Variants in NUDT5 observed in about 807,000 individuals in gnomAD.
NUDT5 encodes ADP-sugar pyrophosphatase.
Under a neutral mutation model 34.1 loss-of-function variants are expected in NUDT5, and 21 were observed. That is an observed-to-expected ratio of 0.62 (90% CI 0.44 to 0.89). The LOEUF is 0.89. Among genes scored for constraint, NUDT5 ranks in the 40% least tolerant of loss-of-function variants. NUDT5 has a pLI of 0.00. For synonymous variants in NUDT5, 85 were observed against 97.6 expected (o/e 0.87, Z 0.76); for missense variants, 249 against 274.8 (o/e 0.91, Z 0.66).
rs761853839 is a variant in NUDT5 at position 12,173,840 on chromosome 10, G to A, written c.290-27C>T. On this transcript the variant is annotated intron_variant, in intron 5 of 9. Coordinates refer to ENST00000491614, the MANE Select transcript of NUDT5 (RefSeq NM_014142.4). This position sits in a 1 kb window ranked among gnomAD's most constrained non-coding sequence, Gnocchi z 4.7. ...TGCAAGTCCAAATCATTGGTGTGAT[G>A]GGAGCGGGAAATCCGGTTCTTTAAA... 9.1e-6 allele frequency: 14 copies of A among 1,531,942 alleles called. No individual in the cohort carries two copies. Among genetic ancestry groups the A allele is most frequent in the Non-Finnish European group, 1.2e-5 (13 of 1,109,136 alleles). The allele number at this position is 1,531,942 out of a possible 1,614,324, so 94.9% of individuals were successfully genotyped here. A position where few individuals can be genotyped will look rare whatever the true frequency, so the allele number is the denominator to read the frequency against.
At chr10:12,188,497 C>T (rs186381034) in intron 1 of NUDT5, among the ~76,000 whole-genome samples, 49 of 152,248 alleles carry the variant, frequency 3.2e-4, no homozygotes, top group Non-Finnish European at 1.5e-5. Flanking sequence ...CTTTGGGAGG[C>T]CAGGGCGGGT....
At chr10:12,184,394 C>T (rs1835091877) in intron 3 of NUDT5, 3 of 1,033,812 alleles carry the variant, frequency 2.9e-6, no homozygotes, top group Non-Finnish European at 4.1e-6. Flanking sequence ...ATTACTCGGT[C>T]AAAGGGTACA....
In NUDT5 at chr10:12,179,117, C is replaced by T. The variant is rs114730749; in HGVS notation, c.147G>A (p.Val49=). Reference sequence around the variant, plus strand: ...TCTGCTCTTTCCTGGTTGTACGTTTCACTGATTCCCAAGTTCTGTTCAGGC... The same window carrying T: ...TCTGCTCTTTCCTGGTTGTACGTTTTACTGATTCCCAAGTTCTGTTCAGGC... ...PTGKTRTWES[V]KRTTRKEQTA... The change falls in exon 4 of 10, where the codon GTG becomes GTA. Residue 49 remains valine (V), a synonymous_variant. Coordinates refer to ENST00000491614, the MANE Select transcript of NUDT5 (RefSeq NM_014142.4). 343 of 1,614,096 alleles carry T rather than the reference C, an allele frequency of 2.1e-4. 2 individuals are homozygous for T. In the African/African-American group the frequency reaches 4.2e-3, roughly 20 times the overall value.
chr10:12,177,537 A>C (rs537765278), intron 5 of NUDT5, among the ~76,000 whole-genome samples: 1 of 152,258 alleles, frequency 6.6e-6, no homozygotes, highest in South Asian at 2.1e-4. Flanking sequence ...AAACAAAAAC[A>C]AACAAAAAAG....
chr10:12,184,400 G>C, intron 3 of NUDT5: 1 of 1,111,494 alleles, frequency 9.0e-7, no homozygotes, highest in Non-Finnish European at 1.3e-6. Flanking sequence ...CGGTCAAAGG[G>C]TACAGTATCT....
chr10:12,191,313 G>A (rs1212125085), intron 1 of NUDT5, among the ~76,000 whole-genome samples: 1 of 152,060 alleles, frequency 6.6e-6, no homozygotes, highest in Non-Finnish European at 1.5e-5. Flanking sequence ...AACCCGGGAG[G>A]TGGAGCTTGC....
At chr10:12,188,877 T>C (rs1242731346) in intron 1 of NUDT5, among the ~76,000 whole-genome samples, 1 of 151,872 alleles carries the variant, frequency 6.6e-6, no homozygotes. Flanking sequence ...TGAAGAAAGA[T>C]TAAAAAGGAT....
Position 12,170,637 on chromosome 10 carries a change from A to C in NUDT5, c.550+80T>G, listed in dbSNP as rs1834834838. 1 of 1,249,968 alleles carries C rather than the reference A, an allele frequency of 8.0e-7. No homozygotes were observed. The highest frequency in any genetic ancestry group is 1.2e-5 in the South Asian group (1 of 82,926). The allele number at this position is 1,249,968 out of a possible 1,614,324, so 77.4% of individuals were successfully genotyped here. A position where few individuals can be genotyped will look rare whatever the true frequency, so the allele number is the denominator to read the frequency against. On this transcript the variant is annotated intron_variant, in intron 9 of 9. Coordinates refer to ENST00000491614, the MANE Select transcript of NUDT5 (RefSeq NM_014142.4). The surrounding 1 kb of genome is among the most constrained non-coding windows in gnomAD (Gnocchi z 4.9). ...TGATACAAAAAAGATAAAGAAATGG[A>C]GTTATATTTAGTACCCAGTTTGCTG...
intron 1 of NUDT5, among the ~76,000 whole-genome samples, chr10:12,188,471 G>A (rs1345751984): frequency 6.6e-6 from 1 of 152,292 alleles, no homozygotes; most frequent in African/African-American, 2.4e-5. Flanking sequence ...CACGCCTCAC[G>A]CCTACAATCC....
intron 1 of NUDT5, among the ~76,000 whole-genome samples, chr10:12,190,645 A>C (rs904937404): frequency 2.8e-5 from 4 of 143,158 alleles, no homozygotes; most frequent in African/African-American, 1.1e-4. Flanking sequence ...ATCTCGCTGC[A>C]ACACCCAGGC....
intron 1 of NUDT5, among the ~76,000 whole-genome samples, chr10:12,192,177 C>T (rs1038661711): frequency 6.6e-6 from 1 of 151,918 alleles, no homozygotes; most frequent in Non-Finnish European, 1.5e-5. Flanking sequence ...ATCAACAAGG[C>T]ACTTTGAAAG....
Position 12,173,670 on chromosome 10 carries a change from C to T in NUDT5, c.385+48G>A. On this transcript the variant is annotated intron_variant, in intron 6 of 9. Coordinates refer to ENST00000491614, the MANE Select transcript of NUDT5 (RefSeq NM_014142.4). This position sits in a 1 kb window ranked among gnomAD's most constrained non-coding sequence, Gnocchi z 4.7. ...AGAACACCCAAATAATCAATCCCTT[C>T]CCAGACGGAGGAATCCATCACTTGG... The T allele has an allele frequency of 7.4e-7, 1 of 1,359,930 alleles. No homozygotes were observed. The allele number at this position is 1,359,930 out of a possible 1,614,324, so 84.2% of individuals were successfully genotyped here.
chr10:12,171,446 G>T lies in NUDT5; in HGVS notation c.488-538C>A, dbSNP rs137917451. Among the ~76,000 whole-genome samples, 127 of 152,318 alleles carry T rather than the reference G, an allele frequency of 8.3e-4. No homozygotes were observed. Among genetic ancestry groups the T allele is most frequent in the African/African-American group, 2.9e-3 (122 of 41,566 alleles). On this transcript the variant is annotated intron_variant, in intron 7 of 9. Coordinates refer to ENST00000491614, the MANE Select transcript of NUDT5 (RefSeq NM_014142.4). The surrounding 1 kb of genome is among the most constrained non-coding windows in gnomAD (Gnocchi z 4.2). Reference sequence around the variant, plus strand: ...CATGTTTCAGCGTGTATGTGTGTTTGTGTGTATACCACACTTTGTGGATGC... The same window carrying T: ...CATGTTTCAGCGTGTATGTGTGTTTTTGTGTATACCACACTTTGTGGATGC...
chr10:12,186,168 T>G, intron 2 of NUDT5, 61 bp downstream of exon 2: 1 of 1,226,894 alleles, frequency 8.2e-7, no homozygotes, highest in Non-Finnish European at 1.2e-6. Flanking sequence ...ACAGTCTATA[T>G]ATTTCTGCTA....
At chr10:12,194,307 G>C (rs1022881400) in intron 1 of NUDT5, among the ~76,000 whole-genome samples, 1 of 152,142 alleles carries the variant, frequency 6.6e-6, no homozygotes, top group Non-Finnish European at 1.5e-5. Context: ...ATCCCCCATC[G>C]ATGCTAACAT....
In NUDT5 at chr10:12,182,613, G is replaced by A. The variant is rs147861737; in HGVS notation, c.131+2276C>T. Among the ~76,000 whole-genome samples, 1 of 152,308 alleles carries A rather than the reference G, an allele frequency of 6.6e-6. No individual in the cohort carries two copies. Among genetic ancestry groups the A allele is most frequent in the Non-Finnish European group, 1.5e-5 (1 of 68,022 alleles). ...TCTACTGAAATAGATATTCTGAAGT[G>A]AGATTTCGTCGTATTTTCAGAAAAG... is the stretch of plus-strand genomic sequence containing the variant. On this transcript the variant is annotated intron_variant, in intron 3 of 9. Coordinates refer to ENST00000491614, the MANE Select transcript of NUDT5 (RefSeq NM_014142.4). The surrounding 1 kb of genome is among the most constrained non-coding windows in gnomAD (Gnocchi z 4.3).
At position 12,186,332 on chromosome 10, in the gene NUDT5, C is replaced by G. The variant is rs372011474; in HGVS notation, c.-41G>C. On this transcript the variant is annotated splice_region_variant and 5_prime_UTR_variant, in exon 2 of 10. Coordinates refer to ENST00000491614, the MANE Select transcript of NUDT5 (RefSeq NM_014142.4). ...TACAGCCCTCAGGTGAGAAGTTCACCCTGCAAGATAATGAGATTTGTTCAG... is the reference window on the plus strand; with the variant it reads ...TACAGCCCTCAGGTGAGAAGTTCACGCTGCAAGATAATGAGATTTGTTCAG... 8.8e-6 allele frequency: 12 copies of G among 1,366,086 alleles called. No individual in the cohort carries two copies. Among genetic ancestry groups the G allele is most frequent in the Non-Finnish European group, 1.2e-5 (11 of 954,836 alleles). The allele number at this position is 1,366,086 out of a possible 1,614,324, so 84.6% of individuals were successfully genotyped here.
rs144815180 is a variant in NUDT5, at chr10:12,187,160, G to A, written c.-41-828C>T. Among the ~76,000 whole-genome samples the A allele has an allele frequency of 3.2e-4, 48 of 152,272 alleles. No individual in the cohort carries two copies. In the East Asian group the frequency reaches 8.5e-3, roughly 27 times the overall value. On this transcript the variant is annotated intron_variant, in intron 1 of 9. Transcript: ENST00000491614. The surrounding 1 kb of genome is among the most constrained non-coding windows in gnomAD (Gnocchi z 5.4). ...TGCTCCTCGCATCTCAGCCTCCTGA[G>A]TAGCTGGGATTACAGGTGCATGCTA...
Position 12,170,337 on chromosome 10 carries a change from GGACCATCCCT to G in NUDT5, c.550+370_550+379del. On this transcript the variant is annotated intron_variant, in intron 9 of 9. Transcript: ENST00000491614. The surrounding 1 kb of genome is among the most constrained non-coding windows in gnomAD (Gnocchi z 4.9). ...TCCTTGAACATACAGCCTCCACAAA[GGACCATCCCT>G]CATACTAGCATACTTGAGGAAAAGC... The G allele has an allele frequency of 1.3e-6, 1 of 792,420 alleles. No homozygotes were observed. The highest frequency in any genetic ancestry group is 2.3e-5 in the Admixed American group (1 of 43,394). The allele number at this position is 792,420 out of a possible 1,614,324, so 49.1% of individuals were successfully genotyped here. A position where few individuals can be genotyped will look rare whatever the true frequency, so the allele number is the denominator to read the frequency against.
Sources: allele counts gnomAD v4.1 joint callset (sites outside exome capture counted in the v4.1 genomes callset), GRCh38; gene constraint gnomAD v4.1.1; non-coding constraint Gnocchi (gnomAD v3.1); transcripts MANE v1.5; gene names NCBI Gene and HGNC (gene_info 2026-07-23, HGNC 2026-07-21).